Variants in PHACTR1 observed in about 807,000 individuals in gnomAD.
PHACTR1 encodes RPEL repeat containing 1.
In PHACTR1, 16 loss-of-function variants were observed where a neutral mutation model predicts 69.2. The observed-to-expected ratio is 0.23, with a 90% confidence interval of 0.16 to 0.35. The LOEUF (loss-of-function observed/expected upper bound fraction) is 0.35. PHACTR1 is among the 10% of genes least tolerant of loss of function. The pLI is 1.00. For missense variants in PHACTR1, 510 were observed against 734.7 expected, an observed-to-expected ratio of 0.69 and a Z score of 3.54; for synonymous variants, 312 against 284.5, an observed-to-expected ratio of 1.10 and a Z score of -0.97.
At chr6:13,229,201 CT>C (rs1321756979) in intron 9 of PHACTR1, among the ~76,000 whole-genome samples, 3 of 152,208 alleles carry the variant, frequency 2.0e-5, no homozygotes, top group Non-Finnish European at 4.4e-5. Flanking sequence ...CCAGATAATT[CT>C]TTGGTGTGGG....
chr6:13,120,459 G>A (rs1818535846), intron 5 of PHACTR1, among the ~76,000 whole-genome samples: 1 of 152,204 alleles, frequency 6.6e-6, no homozygotes, highest in South Asian at 2.1e-4. Context: ...AGTCCAGGAA[G>A]GCTGACTGTC....
chr6:13,084,430 C>A (rs530673461), intron 5 of PHACTR1, among the ~76,000 whole-genome samples: 47 of 150,730 alleles, frequency 3.1e-4, no homozygotes, highest in Non-Finnish European at 6.5e-4. Flanking sequence ...GCTAAATGAC[C>A]AGTTAATGGG....
chr6:13,138,963 T>C (rs553435816), intron 5 of PHACTR1, among the ~76,000 whole-genome samples: 5 of 152,340 alleles, frequency 3.3e-5, no homozygotes, highest in South Asian at 4.1e-4. Context: ...TAAGCTTACG[T>C]TGATTTTCAT....
chr6:13,285,499 T>A (rs1455984281), intron 13 of PHACTR1, among the ~76,000 whole-genome samples: 2 of 152,128 alleles, frequency 1.3e-5, no homozygotes, highest in African/African-American at 4.8e-5. Context: ...CCCCTCCTCC[T>A]CCCCTGCTCT....
At position 12,811,153 on chromosome 6, in the gene PHACTR1, TTTA is replaced by T. The variant is rs530016344; in HGVS notation, c.250+61368_250+61370del. On this transcript the variant is annotated intron_variant, in intron 4 of 14. Transcript: ENST00000332995. The stretch of plus-strand genomic sequence containing the variant: ...AGAGGAAGATGCTCCGTTGGCTTGT[TTTA>T]TTATCAGTCGTAGATTACATAAGGG... Among the ~76,000 whole-genome samples, 572 of 152,342 alleles carry T rather than the reference TTTA, an allele frequency of 3.8e-3. 4 individuals are homozygous for T. The highest frequency in any genetic ancestry group is 6.3e-3 in the Non-Finnish European group (427 of 68,024).
chr6:12,736,176 T>C (rs1226633482), intron 3 of PHACTR1, among the ~76,000 whole-genome samples: 1 of 152,218 alleles, frequency 6.6e-6, no homozygotes, highest in Non-Finnish European at 1.5e-5. Context: ...AACTTTTTGG[T>C]ATATTTTTGT....
intron 7 of PHACTR1, among the ~76,000 whole-genome samples, chr6:13,188,987 CCTCT>C (rs1197594280): frequency 1.3e-5 from 2 of 152,218 alleles, no homozygotes; most frequent in African/African-American, 4.8e-5. Context: ...CTGTCTCCTG[CCTCT>C]CTAAGTCATC....
intron 3 of PHACTR1, among the ~76,000 whole-genome samples, chr6:12,720,115 C>G (rs549986937): frequency 6.6e-6 from 1 of 152,164 alleles, no homozygotes; most frequent in African/African-American, 2.4e-5. Flanking sequence ...GACCTCCAAC[C>G]TCTTCTGGGT....
intron 4 of PHACTR1, among the ~76,000 whole-genome samples, chr6:12,822,163 A>G (rs1776298597): frequency 6.6e-6 from 1 of 152,230 alleles, no homozygotes; most frequent in Admixed American, 6.5e-5. Context: ...GCAGCATGAC[A>G]GAGGTTTTGG....
At chr6:13,121,172 T>C (rs1176622788) in intron 5 of PHACTR1, among the ~76,000 whole-genome samples, 2 of 152,168 alleles carry the variant, frequency 1.3e-5, no homozygotes, top group East Asian at 1.9e-4. Flanking sequence ...GGGGAAGCGA[T>C]GCCAGCAAAG....
At chr6:12,973,416 T>C (rs1219279658) in intron 4 of PHACTR1, among the ~76,000 whole-genome samples, 1 of 152,208 alleles carries the variant, frequency 6.6e-6, no homozygotes, top group East Asian at 1.9e-4. Context: ...TTATTATTAG[T>C]TAATAAATTA....
intron 4 of PHACTR1, among the ~76,000 whole-genome samples, chr6:12,825,471 C>A (rs971525979): frequency 2.0e-5 from 3 of 152,124 alleles, no homozygotes; most frequent in Non-Finnish European, 2.9e-5. Flanking sequence ...GGAGACATAC[C>A]AGCATGTTAC....
intron 4 of PHACTR1, among the ~76,000 whole-genome samples, chr6:12,997,980 C>T (rs1797634450): frequency 6.6e-6 from 1 of 152,042 alleles, no homozygotes; most frequent in Non-Finnish European, 1.5e-5. Context: ...AATAAATATA[C>T]AACACATTAT....
At chr6:13,024,648 C>A (rs1801437870) in intron 4 of PHACTR1, among the ~76,000 whole-genome samples, 1 of 152,156 alleles carries the variant, frequency 6.6e-6, no homozygotes, top group African/African-American at 2.4e-5. Context: ...ATATCCAGAA[C>A]AAATAGTATG....
In PHACTR1 at chr6:13,090,342, C is replaced by T. The variant is rs115989913; in HGVS notation, c.415+36813C>T. ...ATTACAGGCATGAGCCACCCCACCC[C>T]ATCCAGCCAGCACTGCATTGTTGAC... On this transcript the variant is annotated intron_variant, in intron 5 of 14. Transcript: ENST00000332995. Among the ~76,000 whole-genome samples, 1,269 of 151,690 alleles carry T rather than the reference C, an allele frequency of 8.4e-3. 22 individuals are homozygous for T. Among genetic ancestry groups the T allele is most frequent in the African/African-American group, 0.029 (1,192 of 41,328 alleles).
chr6:13,071,445 G>A (rs1208877006), intron 5 of PHACTR1, among the ~76,000 whole-genome samples: 1 of 151,810 alleles, frequency 6.6e-6, no homozygotes, highest in Non-Finnish European at 1.5e-5. Context: ...AAAGAAAGTT[G>A]TACACCAAGA....
chr6:12,976,780 A>C (rs1308094933), intron 4 of PHACTR1, among the ~76,000 whole-genome samples: 1 of 152,198 alleles, frequency 6.6e-6, no homozygotes, highest in Non-Finnish European at 1.5e-5. Context: ...TAGCCATCTC[A>C]GTCATCAGAT....
intron 4 of PHACTR1, among the ~76,000 whole-genome samples, chr6:12,802,166 A>C (rs1379069847): frequency 2.0e-5 from 3 of 150,454 alleles, no homozygotes; most frequent in Non-Finnish European, 4.4e-5. Context: ...CTATGACTTA[A>C]AGGGCATATA....
intron 10 of PHACTR1, among the ~76,000 whole-genome samples, chr6:13,240,438 TTTTTGTTTTG>T (rs567004417): frequency 2.6e-5 from 4 of 152,004 alleles, no homozygotes; most frequent in African/African-American, 7.2e-5. Context: ...TGTTGTTGTT[TTTTTGTTTTG>T]TTTTGTTTTG....
Sources: gnomAD v4.1 joint callset for allele counts (sites outside exome capture counted in the v4.1 genomes callset) on GRCh38, gnomAD v4.1.1 for gene constraint, MANE v1.5 for transcripts, NCBI Gene and HGNC (gene_info 2026-07-23, HGNC 2026-07-21) for gene names.